Variants in PTPRN2 observed in about 807,000 individuals in gnomAD.
The protein encoded by PTPRN2 is receptor-type tyrosine-protein phosphatase N2.
PTPRN2 carries 74 observed loss-of-function variants against 118.8 expected under a neutral mutation model. That is an observed-to-expected ratio of 0.62 (90% confidence interval 0.52 to 0.76). The LOEUF is 0.76. Ranked by LOEUF, PTPRN2 falls within the 30% of genes least tolerant of loss-of-function variation. PTPRN2 has a pLI of 0.00. For missense variants in PTPRN2, 1,481 were observed against 1,394.4 expected, an observed-to-expected ratio of 1.06 and a Z score of -0.99; for synonymous variants, 641 against 608.0, an observed-to-expected ratio of 1.05 and a Z score of -0.80.
At chr7:157,996,264 C>T (rs764603870) in intron 11 of PTPRN2, among the ~76,000 whole-genome samples, 14 of 152,296 alleles carry the variant, frequency 9.2e-5, no homozygotes, top group East Asian at 1.9e-4. Context: ...GGACAATGGA[C>T]GCTGCAGACC....
Position 157,585,063 on chromosome 7 carries a change from AT to A in PTPRN2, c.2497-6924del, listed in dbSNP as rs1800601822. The stretch of plus-strand genomic sequence containing the variant: ...CCTGGCTTTTTTTTAGTAAACAAAT[AT>A]CTCAGTGTGGGATTCATTTAGGGAT... On this transcript the variant is annotated intron_variant, in intron 17 of 22. Coordinates refer to ENST00000389418, the MANE Select transcript of PTPRN2 (RefSeq NM_002847.5). This position sits in a 1 kb window ranked among gnomAD's most constrained non-coding sequence, Gnocchi z 5.2. Among the ~76,000 whole-genome samples the A allele has an allele frequency of 6.6e-6, 1 of 152,096 alleles. No individual in the cohort carries two copies. The highest frequency in any genetic ancestry group is 1.5e-5 in the Non-Finnish European group (1 of 68,022).
intron 2 of PTPRN2, among the ~76,000 whole-genome samples, chr7:158,354,811 A>C (rs969892555): frequency 2.0e-5 from 3 of 152,170 alleles, no homozygotes; most frequent in Non-Finnish European, 4.4e-5. Flanking sequence ...GGTATAGATA[A>C]CCAGATTCGG....
intron 14 of PTPRN2, among the ~76,000 whole-genome samples, chr7:157,644,601 G>A (rs1385344882): frequency 6.6e-6 from 1 of 152,138 alleles, no homozygotes; most frequent in Non-Finnish European, 1.5e-5. Flanking sequence ...TTTGAGATCA[G>A]CCTGACCAAC....
Position 158,093,800 on chromosome 7 carries a change from T to C in PTPRN2, c.1644-12423A>G, listed in dbSNP as rs1295963485. ...CAATAACTTCCCAAAATATCTAGCC[T>C]AAGAGCTTACAAAGGAGGAAGAAGA... On this transcript the variant is annotated intron_variant, in intron 10 of 22. Coordinates refer to ENST00000389418, the MANE Select transcript of PTPRN2 (RefSeq NM_002847.5). This position sits in a 1 kb window ranked among gnomAD's most constrained non-coding sequence, Gnocchi z 4.4. Among the ~76,000 whole-genome samples, 3 of 152,186 alleles carry C rather than the reference T, an allele frequency of 2.0e-5. No homozygotes were observed. Among genetic ancestry groups the C allele is most frequent in the Non-Finnish European group, 2.9e-5 (2 of 68,034 alleles).
At chr7:158,316,610 G>A (rs866363738) in intron 3 of PTPRN2, among the ~76,000 whole-genome samples, 1 of 152,128 alleles carries the variant, frequency 6.6e-6, no homozygotes, top group Non-Finnish European at 1.5e-5. Flanking sequence ...AGACACAGGA[G>A]GCAGCAGGCC....
chr7:157,934,459 T>G (rs1454745307), intron 11 of PTPRN2, among the ~76,000 whole-genome samples: 1 of 152,186 alleles, frequency 6.6e-6, no homozygotes, highest in African/African-American at 2.4e-5. Flanking sequence ...TCTGAACCAG[T>G]ATGAGTCAAC....
intron 3 of PTPRN2, among the ~76,000 whole-genome samples, chr7:158,299,348 A>G (rs1800715149): frequency 6.7e-6 from 1 of 148,896 alleles, no homozygotes; most frequent in African/African-American, 2.5e-5. Flanking sequence ...CCCAGGCTGG[A>G]GTGCAATGGC....
chr7:157,632,701 C>T lies in PTPRN2; in HGVS notation c.2197-11192G>A, dbSNP rs1804036242. ...ACTTTGTATTTCAGGCTGTCATTCT[C>T]AGAGAAGCGCAAAGAATTTTAAATG... On this transcript the variant is annotated intron_variant, in intron 14 of 22. Transcript: ENST00000389418. The surrounding 1 kb of genome is among the most constrained non-coding windows in gnomAD (Gnocchi z 4.3). 6.6e-6 allele frequency among the ~76,000 whole-genome samples: 1 copy of T among 152,088 alleles called. No homozygotes were observed. Among genetic ancestry groups the T allele is most frequent in the African/African-American group, 2.4e-5 (1 of 41,380 alleles).
chr7:157,996,823 T>C (rs1804781404), intron 11 of PTPRN2, among the ~76,000 whole-genome samples: 1 of 152,190 alleles, frequency 6.6e-6, no homozygotes, highest in Admixed American at 6.5e-5. Context: ...AGCAAACCAT[T>C]TTCCCTTGCC....
chr7:158,205,977 T>C (rs1199768075), intron 3 of PTPRN2, among the ~76,000 whole-genome samples: 1 of 152,176 alleles, frequency 6.6e-6, no homozygotes, highest in African/African-American at 2.4e-5. Context: ...TCTGGGGTCC[T>C]AAATAAACTT....
At chr7:157,751,468 C>T (rs757841058) in intron 12 of PTPRN2, among the ~76,000 whole-genome samples, 12 of 152,116 alleles carry the variant, frequency 7.9e-5, no homozygotes, top group African/African-American at 1.9e-4. Context: ...CAGGGAAAGC[C>T]GGCAGCTCGC....
intron 9 of PTPRN2, among the ~76,000 whole-genome samples, chr7:158,132,042 C>T (rs1327036230): frequency 6.6e-6 from 1 of 151,892 alleles, no homozygotes; most frequent in African/African-American, 2.4e-5. Flanking sequence ...CACTCATACA[C>T]ACACAAATAT....
At chr7:157,972,773 G>T (rs2128819247) in intron 11 of PTPRN2, among the ~76,000 whole-genome samples, 1 of 151,372 alleles carries the variant, frequency 6.6e-6, no homozygotes, top group East Asian at 2.0e-4. Flanking sequence ...GGGCTTCAGA[G>T]ACCATGGGAA....
chr7:157,924,841 C>G (rs1252527901), intron 11 of PTPRN2, among the ~76,000 whole-genome samples: 1 of 152,186 alleles, frequency 6.6e-6, no homozygotes, highest in East Asian at 1.9e-4. Flanking sequence ...GAAATGTAGT[C>G]AGGATGCAGG....
intron 13 of PTPRN2, among the ~76,000 whole-genome samples, chr7:157,670,643 GA>G (rs1796363071): frequency 6.6e-6 from 1 of 152,188 alleles, no homozygotes; most frequent in Non-Finnish European, 1.5e-5. Context: ...TGCCGTTGGT[GA>G]GACAAATCCC....
At chr7:157,895,946 G>A (rs1359055475) in intron 12 of PTPRN2, among the ~76,000 whole-genome samples, 16 of 152,134 alleles carry the variant, frequency 1.1e-4, no homozygotes, top group African/African-American at 2.9e-4. Flanking sequence ...GGAGGCCCGC[G>A]TGAAAGAGAT....
intron 11 of PTPRN2, among the ~76,000 whole-genome samples, chr7:158,004,645 T>C (rs1417352732): frequency 2.0e-5 from 3 of 152,226 alleles, no homozygotes; most frequent in African/African-American, 7.2e-5. Flanking sequence ...ATGGAAAATA[T>C]TGATCCCACT....
intron 2 of PTPRN2, among the ~76,000 whole-genome samples, chr7:158,389,735 C>T (rs1357973143): frequency 6.6e-6 from 1 of 152,254 alleles, no homozygotes; most frequent in Non-Finnish European, 1.5e-5. Flanking sequence ...GATAAATCAT[C>T]ACGCGTCGCA....
In PTPRN2 at chr7:158,565,242, T is replaced by C. The variant is rs1215659492; in HGVS notation, c.112+22316A>G. The stretch of plus-strand genomic sequence containing the variant: ...AGAGCTGCAATCTATACAGGCATAT[T>C]TGTGGCTACATAAACATAGATTATC... On this transcript the variant is annotated intron_variant, in intron 1 of 22. Transcript: ENST00000389418. The surrounding 1 kb of genome is among the most constrained non-coding windows in gnomAD (Gnocchi z 4.6). Among the ~76,000 whole-genome samples, 1 of 152,230 alleles carries C rather than the reference T, an allele frequency of 6.6e-6. No individual in the cohort carries two copies. The highest frequency in any genetic ancestry group is 1.9e-4 in the East Asian group (1 of 5,192).
Sources: allele counts gnomAD v4.1 joint callset (sites outside exome capture counted in the v4.1 genomes callset), GRCh38; gene constraint gnomAD v4.1.1; non-coding constraint Gnocchi (gnomAD v3.1); transcripts MANE v1.5; gene names NCBI Gene and HGNC (gene_info 2026-07-23, HGNC 2026-07-21).